MYO7B: variants seen among roughly 807,000 people sequenced by gnomAD.
MYO7B encodes the protein myosin VIIB, also known as unconventional myosin-VIIb.
In MYO7B, 212 loss-of-function variants were observed where a neutral mutation model predicts 259.7. That is an observed-to-expected ratio of 0.82 (90% CI 0.73 to 0.91). The LOEUF is 0.91. MYO7B is among the 40% of genes least tolerant of loss of function. MYO7B has a pLI of 0.00. For missense variants in MYO7B, 2,732 were observed against 2,813.5 expected, an observed-to-expected ratio of 0.97 and a Z score of 0.66; for synonymous variants, 1,197 against 1,166.4, an observed-to-expected ratio of 1.03 and a Z score of -0.54.
At chr2:127,565,197 G>T in intron 3 of MYO7B, 36 bp from the exon 4 acceptor site, 4 of 1,594,620 alleles carry the variant, frequency 2.5e-6, no homozygotes, top group South Asian at 1.1e-5. Context: ...GGGGATGGAG[G>T]CCACCCCTCA....
intron 1 of MYO7B, among the ~76,000 whole-genome samples, chr2:127,553,397 A>C (rs1039198739): frequency 6.6e-6 from 1 of 152,110 alleles, no homozygotes; most frequent in Non-Finnish European, 1.5e-5. Context: ...TGAGCATGGG[A>C]TGTGTTTCCA....
intron 7 of MYO7B, 127 bp downstream of exon 7, chr2:127,574,189 C>A: frequency 8.3e-7 from 1 of 1,208,142 alleles, no homozygotes. Flanking sequence ...ACAGGCCTCA[C>A]TGGATAATGA....
At chr2:127,561,441 T>C (rs1025326163) in intron 2 of MYO7B, among the ~76,000 whole-genome samples, 3 of 152,064 alleles carry the variant, frequency 2.0e-5, no homozygotes, top group African/African-American at 7.2e-5. Context: ...GTATTTTTAG[T>C]AGAGACAGGG....
At chr2:127,543,701 G>GTA (rs1166384230) in intron 1 of MYO7B, among the ~76,000 whole-genome samples, 19 of 150,712 alleles carry the variant, frequency 1.3e-4, no homozygotes, top group Middle Eastern at 3.4e-3. Flanking sequence ...CTCTATATAT[G>GTA]TATATATATA....
chr2:127,564,218 C>T lies in MYO7B; in HGVS notation c.84C>T (p.Ile28=). Residue 28 remains isoleucine (I), a synonymous_variant, in exon 3 of 48, where the codon ATC becomes ATT. Transcript: ENST00000409816. ...CCGGCGTGGCCATCGGGGGCATCAT[C>T]AAAGAGGCAAAGCCAGGCAAAGTCT... ...HKTGVAIGGI[I]KEAKPGKVLV... 1 of 1,581,088 alleles carries T rather than the reference C, an allele frequency of 6.3e-7. No individual in the cohort carries two copies. The highest frequency in any genetic ancestry group is 8.6e-7 in the Non-Finnish European group (1 of 1,163,834).
intron 26 of MYO7B, among the ~76,000 whole-genome samples, chr2:127,618,414 G>A (rs370742872): frequency 6.6e-6 from 1 of 152,184 alleles, no homozygotes. Flanking sequence ...AAGCAGGGAG[G>A]AGGAGGTAAC....
Position 127,636,465 on chromosome 2 carries a change from C to A in MYO7B, c.6124-80C>A. ...GGGCGTGGGTGTATGTGTGTATGTG[C>A]GTGTGGCCTAGATGAGCTCCTGGGA... On this transcript the variant is annotated intron_variant, in intron 45 of 47. Coordinates refer to ENST00000409816, the MANE Select transcript of MYO7B (RefSeq NM_001393586.1). The surrounding 1 kb of genome is among the most constrained non-coding windows in gnomAD (Gnocchi z 4.5). The A allele has an allele frequency of 6.9e-7, 1 of 1,455,476 alleles. No individual in the cohort carries two copies. The highest frequency in any genetic ancestry group is 9.5e-7 in the Non-Finnish European group (1 of 1,053,290). The allele number at this position is 1,455,476 out of a possible 1,614,324, so 90.2% of individuals were successfully genotyped here.
Position 127,631,250 on chromosome 2 carries a change from C to T in MYO7B, c.4982C>T (p.Ala1661Val). 1.2e-6 allele frequency: 2 copies of T among 1,610,838 alleles called. No individual in the cohort carries two copies. The highest frequency in any genetic ancestry group is 8.5e-7 in the Non-Finnish European group (1 of 1,178,528). Residue 1661 changes from alanine (A) to valine (V), a missense_variant, in exon 37 of 48, where the codon GCC becomes GTC. Transcript: ENST00000409816. ...GTGAGCATGGCCGTGCTGCCCCTGGCCCGTGCCCGTGGCCACCTGTGGGCC... is the reference window on the plus strand; with the variant it reads ...GTGAGCATGGCCGTGCTGCCCCTGGTCCGTGCCCGTGGCCACCTGTGGGCC... ...DMVSMAVLPL[A>V]RARGHLWAYS...
chr2:127,571,442 G>GTTTTTTTTTGTTTTTTTTT (rs1678603382), intron 6 of MYO7B, among the ~76,000 whole-genome samples: 1 of 41,982 alleles, frequency 2.4e-5, no homozygotes, highest in Non-Finnish European at 4.6e-5. Context: ...TTACCAGTGA[G>GTTTTTTTTTGTTTTTTTTT]TTTTTTTTTT....
At chr2:127,579,806 G>C (rs574258876) in intron 9 of MYO7B, among the ~76,000 whole-genome samples, 1 of 152,100 alleles carries the variant, frequency 6.6e-6, no homozygotes, top group African/African-American at 2.4e-5. Flanking sequence ...GGCTGGTCTC[G>C]AACTCCCAAC....
intron 20 of MYO7B, among the ~76,000 whole-genome samples, chr2:127,606,493 T>G (rs1182337447): frequency 2.6e-5 from 4 of 152,202 alleles, no homozygotes; most frequent in Non-Finnish European, 5.9e-5. Context: ...AGCTGACCTG[T>G]GTGGAGCAGT....
At chr2:127,630,144 G>A (rs58971301) in intron 35 of MYO7B, among the ~76,000 whole-genome samples, 9,361 of 152,268 alleles carry the variant, frequency 0.061, 547 homozygotes, top group African/African-American at 0.15. Flanking sequence ...CCCTGCACAA[G>A]GGAACCACCC....
At chr2:127,600,891 T>G (rs1162939121) in intron 19 of MYO7B, among the ~76,000 whole-genome samples, 1 of 152,242 alleles carries the variant, frequency 6.6e-6, no homozygotes, top group Non-Finnish European at 1.5e-5. Context: ...TCTAGATTCT[T>G]GAGGCAGGAG....
At chr2:127,591,673 A>G (rs1679566173) in intron 16 of MYO7B, among the ~76,000 whole-genome samples, 1 of 152,176 alleles carries the variant, frequency 6.6e-6, no homozygotes, top group Non-Finnish European at 1.5e-5. Flanking sequence ...CAGGTGGGGT[A>G]ACAGTGCCTG....
In MYO7B at chr2:127,559,613, T is replaced by G; in HGVS notation, c.-23-87T>G. 1 of 1,242,904 alleles carries G rather than the reference T, an allele frequency of 8.0e-7. No individual in the cohort carries two copies. Among genetic ancestry groups the G allele is most frequent in the Non-Finnish European group, 1.2e-6 (1 of 845,554 alleles). The allele number at this position is 1,242,904 out of a possible 1,614,324, so 77.0% of individuals were successfully genotyped here. ...CCCATGCCGGGCACTTAGGGAAGTG[T>G]TGGTGAACAAGCCCAGCTCCTGTGC... On this transcript the variant is annotated intron_variant, in intron 1 of 47. Coordinates refer to ENST00000409816, the MANE Select transcript of MYO7B (RefSeq NM_001393586.1). This position sits in a 1 kb window ranked among gnomAD's most constrained non-coding sequence, Gnocchi z 4.1.
intron 30 of MYO7B, among the ~76,000 whole-genome samples, 164 bp downstream of exon 30, chr2:127,624,484 C>A (rs913216281): frequency 3.9e-5 from 6 of 152,226 alleles, no homozygotes; most frequent in Non-Finnish European, 8.8e-5. Context: ...TTTCCTCCTC[C>A]CTTAGGCCAC....
intron 1 of MYO7B, among the ~76,000 whole-genome samples, chr2:127,555,820 T>C (rs1224820738): frequency 1.3e-5 from 2 of 152,248 alleles, no homozygotes; most frequent in Non-Finnish European, 2.9e-5. Context: ...GCTTATCGTA[T>C]GGTCTATCTT....
Position 127,624,261 on chromosome 2 carries a change from G to T in MYO7B, c.3988G>T (p.Glu1330Ter), listed in dbSNP as rs372033406. ...HDSREDPVST[E>*]LIYRQVLRGV... Reference sequence around the variant, plus strand: ...CTCCCGGGAGGACCCTGTCAGCACCGAGCTTATTTACCGCCAAGTCCTCCG... The same window carrying T: ...CTCCCGGGAGGACCCTGTCAGCACCTAGCTTATTTACCGCCAAGTCCTCCG... The change falls in exon 30 of 48, where the codon GAG becomes TAG. Residue 1330 changes from glutamate to a stop codon, truncating the protein, a stop_gained. Coordinates refer to ENST00000409816, the MANE Select transcript of MYO7B (RefSeq NM_001393586.1). LOFTEE classifies it high-confidence loss of function. 6.3e-7 allele frequency: 1 copy of T among 1,595,082 alleles called. No homozygotes were observed. Among genetic ancestry groups the T allele is most frequent in the Non-Finnish European group, 8.5e-7 (1 of 1,171,592 alleles).
intron 1 of MYO7B, among the ~76,000 whole-genome samples, chr2:127,554,237 G>A (rs1346965600): frequency 6.6e-6 from 1 of 152,070 alleles, no homozygotes; most frequent in Non-Finnish European, 1.5e-5. Context: ...ACCATGTCCA[G>A]CTAATTTTGT....
Sources: allele counts gnomAD v4.1 joint callset (sites outside exome capture counted in the v4.1 genomes callset), GRCh38; gene constraint gnomAD v4.1.1; non-coding constraint Gnocchi (gnomAD v3.1); transcripts MANE v1.5; gene names NCBI Gene and HGNC (gene_info 2026-07-23, HGNC 2026-07-21).